FGF14: variants seen among roughly 807,000 people sequenced by gnomAD.
FGF14 encodes the protein fibroblast growth factor homologous factor 4.
Under a neutral mutation model 25.5 loss-of-function variants are expected in FGF14, and 5 were observed. The ratio of observed to expected loss-of-function variants is 0.20; its 90% CI spans 0.10 to 0.41. The LOEUF (loss-of-function observed/expected upper bound fraction) is 0.41, where lower values mean the gene tolerates loss of function less well. Among genes scored for constraint, FGF14 ranks in the 10% least tolerant of loss-of-function variants. The pLI, the probability that FGF14 is intolerant of heterozygous loss-of-function variation, is 1.00. For missense variants in FGF14, 222 were observed against 320.1 expected (o/e 0.69, Z 2.34); for synonymous variants, 138 against 118.3 (o/e 1.17, Z -1.08).
intron 1 of FGF14, among the ~76,000 whole-genome samples, chr13:102,269,519 T>C (rs9300729): frequency 0.14 from 21,842 of 152,212 alleles, 1,755 homozygotes; most frequent in East Asian, 0.39. Flanking sequence ...ATTATCAGCC[T>C]GGCAATCTTT....
intron 1 of FGF14, among the ~76,000 whole-genome samples, chr13:102,321,227 TA>T (rs2056232139): frequency 6.6e-6 from 1 of 152,150 alleles, no homozygotes; most frequent in African/African-American, 2.4e-5. Flanking sequence ...GCTATAGCTC[TA>T]AAAAGCTTTC....
At chr13:101,823,346 C>A (rs1366221513) in intron 3 of FGF14, among the ~76,000 whole-genome samples, 1 of 149,254 alleles carries the variant, frequency 6.7e-6, no homozygotes, top group Non-Finnish European at 1.5e-5. Flanking sequence ...TATATACATA[C>A]AAAAAATAGT....
At chr13:101,915,624 A>AAAG (rs60396791) in intron 1 of FGF14, among the ~76,000 whole-genome samples, 152,114 of 152,312 alleles carry the variant, frequency 1, 75,958 homozygotes, top group East Asian at 1. Flanking sequence ...AAAGGCAGTG[A>AAAG]AAGGTCATCC....
intron 1 of FGF14, among the ~76,000 whole-genome samples, chr13:102,086,747 T>C (rs189935806): frequency 6.6e-6 from 1 of 152,336 alleles, no homozygotes; most frequent in Admixed American, 6.5e-5. Context: ...CCAAATAATC[T>C]ACCCAATTTA....
rs148393815 is a variant in FGF14, at chr13:101,768,569, A to G, written c.409-41759T>C. On this transcript the variant is annotated intron_variant, in intron 3 of 4. Coordinates refer to ENST00000376143, the MANE Select transcript of FGF14 (RefSeq NM_004115.4). ...CTAGCACTACCCAACCTCAAGACTC[A>G]CTATACAGTTACCATAACCAAGACA... 3.7e-3 allele frequency among the ~76,000 whole-genome samples: 556 copies of G among 152,266 alleles called. 3 individuals are homozygous for G. Among genetic ancestry groups the G allele is most frequent in the African/African-American group, 0.013 (522 of 41,566 alleles).
chr13:102,243,732 A>G (rs938207938), intron 1 of FGF14, among the ~76,000 whole-genome samples: 1 of 150,706 alleles, frequency 6.6e-6, no homozygotes, highest in Non-Finnish European at 1.5e-5. Flanking sequence ...CCACCACATG[A>G]TGTTAAAATA....
At chr13:102,102,588 C>A (rs540222440) in intron 1 of FGF14, among the ~76,000 whole-genome samples, 23 of 152,342 alleles carry the variant, frequency 1.5e-4, no homozygotes, top group African/African-American at 5.5e-4. Context: ...TCCATCAAGA[C>A]TCCATGGTGC....
intron 1 of FGF14, among the ~76,000 whole-genome samples, chr13:102,022,399 G>A (rs2040704578): frequency 6.6e-6 from 1 of 152,092 alleles, no homozygotes; most frequent in Admixed American, 6.6e-5. Context: ...GTCTCTTGGA[G>A]TCATAAGAGC....
At chr13:101,729,756 C>CCAAAT (rs57633192) in intron 3 of FGF14, among the ~76,000 whole-genome samples, 117,767 of 151,566 alleles carry the variant, frequency 0.78, 45,953 homozygotes, top group East Asian at 0.96. Context: ...GAAAATCTCA[C>CCAAAT]CAAAAGTCAG....
At chr13:102,283,919 T>G (rs1374059480) in intron 1 of FGF14, among the ~76,000 whole-genome samples, 1 of 152,146 alleles carries the variant, frequency 6.6e-6, no homozygotes, top group Non-Finnish European at 1.5e-5. Flanking sequence ...TGTTGTGGGG[T>G]TTAAATGGAA....
chr13:102,275,795 T>C (rs2053507714), intron 1 of FGF14, among the ~76,000 whole-genome samples: 1 of 152,148 alleles, frequency 6.6e-6, no homozygotes, highest in East Asian at 1.9e-4. Context: ...GGCTCCAATT[T>C]AACTCCCTCT....
intron 1 of FGF14, among the ~76,000 whole-genome samples, chr13:101,937,945 G>C (rs1441150456): frequency 6.6e-6 from 1 of 152,132 alleles, no homozygotes; most frequent in Non-Finnish European, 1.5e-5. Flanking sequence ...TCTTATGACA[G>C]TCCTAGAAAA....
chr13:102,259,609 C>G (rs150303915), intron 1 of FGF14, among the ~76,000 whole-genome samples: 4 of 152,152 alleles, frequency 2.6e-5, no homozygotes, highest in Admixed American at 6.5e-5. Context: ...AGCCCTCCCC[C>G]CCATCCACTC....
At chr13:102,133,848 G>T (rs931103123) in intron 1 of FGF14, among the ~76,000 whole-genome samples, 1 of 152,140 alleles carries the variant, frequency 6.6e-6, no homozygotes, top group African/African-American at 2.4e-5. Flanking sequence ...CCAAAAGTCT[G>T]GTCAGTGTGC....
intron 3 of FGF14, among the ~76,000 whole-genome samples, chr13:101,849,435 G>T (rs915063044): frequency 5.3e-5 from 8 of 152,034 alleles, no homozygotes; most frequent in Non-Finnish European, 7.4e-5. Flanking sequence ...AGCCGCTTGT[G>T]CACAAAAAGT....
chr13:101,919,716 C>T (rs994342844), upstream of FGF14, among the ~76,000 whole-genome samples: 1 of 152,174 alleles, frequency 6.6e-6, no homozygotes, highest in East Asian at 1.9e-4. Flanking sequence ...GTCTCTGACA[C>T]TTTCCTCCCC....
chr13:102,274,436 TC>T (rs1257711183), intron 1 of FGF14, among the ~76,000 whole-genome samples: 3 of 152,108 alleles, frequency 2.0e-5, no homozygotes, highest in Non-Finnish European at 4.4e-5. Flanking sequence ...TATTTATTTG[TC>T]CCCTACCCCC....
rs551000826 is a variant in FGF14, at chr13:102,104,056, G to A, written c.209-228760C>T. Among the ~76,000 whole-genome samples the A allele has an allele frequency of 2.6e-4, 40 of 152,248 alleles. 1 individual carries two copies. In the South Asian group the frequency reaches 7.1e-3, roughly 27 times the overall value. The stretch of plus-strand genomic sequence containing the variant: ...CCCTAAAAAAGGATATCGAGCAGGC[G>A]TGACCTAAGTCAAAACTGTCAAGTA... On this transcript the variant is annotated intron_variant, in intron 1 of 4. Coordinates refer to the FGF14 transcript ENST00000376131.
chr13:102,205,196 A>C (rs1227831845), intron 1 of FGF14, among the ~76,000 whole-genome samples: 1 of 152,174 alleles, frequency 6.6e-6, no homozygotes, highest in Non-Finnish European at 1.5e-5. Flanking sequence ...TGTGCATGTG[A>C]ATGCACATGT....
Sources: allele counts gnomAD v4.1 joint callset (sites outside exome capture counted in the v4.1 genomes callset), GRCh38; gene constraint gnomAD v4.1.1; transcripts MANE v1.5; gene names NCBI Gene and HGNC (gene_info 2026-07-23, HGNC 2026-07-21).